Variants in LHFPL2 observed in about 807,000 individuals in gnomAD.
The protein encoded by LHFPL2 is LHFPL tetraspan subfamily member 2, also known as LHFPL tetraspan subfamily member 2 protein.
A neutral mutation model predicts 17.5 loss-of-function variants in LHFPL2; 7 were observed. The observed-to-expected ratio is 0.40, with a 90% CI of 0.23 to 0.75. The LOEUF is 0.75. LHFPL2 is among the 30% of genes least tolerant of loss of function. LHFPL2 has a pLI of 0.37. For synonymous variants in LHFPL2, 134 were observed against 116.2 expected, an observed-to-expected ratio of 1.15 and a Z score of -0.99; for missense variants, 241 against 294.8, an observed-to-expected ratio of 0.82 and a Z score of 1.34.
At chr5:78,635,146 G>A (rs1745389322) in intron 1 of LHFPL2, among the ~76,000 whole-genome samples, 1 of 152,208 alleles carries the variant, frequency 6.6e-6, no homozygotes, top group African/African-American at 2.4e-5. Flanking sequence ...TCCCCACTCT[G>A]TTCTCAAAAC....
chr5:78,577,062 C>G (rs1052219932), intron 2 of LHFPL2, among the ~76,000 whole-genome samples: 2 of 152,202 alleles, frequency 1.3e-5, no homozygotes, highest in Non-Finnish European at 2.9e-5. Context: ...CTGAAAAGAT[C>G]AAATGTTTTC....
intron 3 of LHFPL2, among the ~76,000 whole-genome samples, chr5:78,521,666 A>G (rs1214420684): frequency 6.6e-6 from 1 of 152,252 alleles, no homozygotes; most frequent in East Asian, 1.9e-4. Context: ...ATTACTTGGC[A>G]GTCAGCCACG....
chr5:78,596,988 C>A (rs1338854677), intron 2 of LHFPL2, among the ~76,000 whole-genome samples: 1 of 152,178 alleles, frequency 6.6e-6, no homozygotes, highest in Non-Finnish European at 1.5e-5. Flanking sequence ...ATTGACTAAA[C>A]TGCAAAGTAA....
chr5:78,500,937 T>G (rs940778154), intron 4 of LHFPL2, among the ~76,000 whole-genome samples: 2 of 152,160 alleles, frequency 1.3e-5, no homozygotes, highest in Admixed American at 6.5e-5. Context: ...CACCTATAAA[T>G]TTACAGCTGG....
rs1754933967 is a variant in LHFPL2, at chr5:78,506,461, G to A, written c.430+3323C>T. On this transcript the variant is annotated intron_variant, in intron 4 of 4. Coordinates refer to ENST00000380345, the MANE Select transcript of LHFPL2 (RefSeq NM_005779.3). ...GAGATCCAGGGCTGAGGGAGAGGGG[G>A]CATAGGGAGAGAAAAGGCAGATGCT... 3.3e-5 allele frequency among the ~76,000 whole-genome samples: 5 copies of A among 152,326 alleles called. No individual in the cohort carries two copies. In the South Asian group the frequency reaches 8.3e-4, roughly 25 times the overall value.
intron 2 of LHFPL2, among the ~76,000 whole-genome samples, chr5:78,595,360 C>T (rs532194542): frequency 1.3e-5 from 2 of 152,314 alleles, no homozygotes; most frequent in African/African-American, 2.4e-5. Flanking sequence ...GTTTAAGCCA[C>T]GTCAGTGCTT....
chr5:78,645,921 G>A (rs1007005886), intron 1 of LHFPL2, among the ~76,000 whole-genome samples: 1 of 152,168 alleles, frequency 6.6e-6, no homozygotes, highest in African/African-American at 2.4e-5. Context: ...GTAAATTCTA[G>A]AGATCAGCTA....
chr5:78,609,875 G>T (rs928593535), intron 2 of LHFPL2, among the ~76,000 whole-genome samples: 1 of 151,750 alleles, frequency 6.6e-6, no homozygotes, highest in African/African-American at 2.4e-5. Flanking sequence ...TTTGTGGACA[G>T]AATAATAGCC....
chr5:78,548,031 C>A (rs530064935), intron 3 of LHFPL2, among the ~76,000 whole-genome samples: 2 of 152,258 alleles, frequency 1.3e-5, no homozygotes, highest in African/African-American at 4.8e-5. Flanking sequence ...GGGAGGATCC[C>A]GAGGGAATGA....
chr5:78,636,643 T>C (rs569325050), intron 1 of LHFPL2, among the ~76,000 whole-genome samples: 9 of 152,294 alleles, frequency 5.9e-5, no homozygotes, highest in African/African-American at 1.7e-4. Flanking sequence ...ACGCTCATTA[T>C]CTCCAGTGTC....
chr5:78,621,708 A>G (rs1744862494), intron 2 of LHFPL2, among the ~76,000 whole-genome samples: 1 of 152,160 alleles, frequency 6.6e-6, no homozygotes, highest in South Asian at 2.1e-4. Flanking sequence ...GGCAAGTAAA[A>G]CCACAATTCC....
chr5:78,634,190 T>C (rs1421618370), intron 1 of LHFPL2, among the ~76,000 whole-genome samples: 1 of 152,234 alleles, frequency 6.6e-6, no homozygotes, highest in African/African-American at 2.4e-5. Flanking sequence ...TAGCTCTTGC[T>C]TTCTTTACAA....
chr5:78,629,836 A>G (rs1366382890), intron 2 of LHFPL2, among the ~76,000 whole-genome samples: 1 of 152,366 alleles, frequency 6.6e-6, no homozygotes, highest in East Asian at 1.9e-4. Flanking sequence ...AGGCCAATCT[A>G]TAAAAGCAGC....
chr5:78,513,879 T>A (rs909205135), intron 3 of LHFPL2, among the ~76,000 whole-genome samples: 5 of 152,222 alleles, frequency 3.3e-5, no homozygotes, highest in Non-Finnish European at 7.3e-5. Flanking sequence ...CTCACGTATG[T>A]CTTTATCAGC....
intron 3 of LHFPL2, among the ~76,000 whole-genome samples, chr5:78,513,398 C>G (rs1755194610): frequency 6.6e-6 from 1 of 152,112 alleles, no homozygotes; most frequent in Admixed American, 6.5e-5. Flanking sequence ...ATTCTCACAC[C>G]CATACAAGAT....
chr5:78,552,626 G>T (rs528031984), intron 3 of LHFPL2, among the ~76,000 whole-genome samples: 1 of 152,286 alleles, frequency 6.6e-6, no homozygotes, highest in South Asian at 2.1e-4. Context: ...ACGGCCAAAG[G>T]CACCAGCACA....
intron 3 of LHFPL2, among the ~76,000 whole-genome samples, chr5:78,557,964 A>C (rs77710442): frequency 0.014 from 2,063 of 152,338 alleles, 44 homozygotes; most frequent in African/African-American, 0.045. Flanking sequence ...CAAAAACTTT[A>C]TTGCAATTTG....
chr5:78,602,168 A>C (rs1476374009), intron 2 of LHFPL2, among the ~76,000 whole-genome samples: 1 of 152,102 alleles, frequency 6.6e-6, no homozygotes, highest in African/African-American at 2.4e-5. Flanking sequence ...TTAACCTGAA[A>C]GTGTACACAA....
intron 1 of LHFPL2, among the ~76,000 whole-genome samples, chr5:78,639,361 T>C (rs1018327797): frequency 1.3e-5 from 2 of 152,100 alleles, no homozygotes; most frequent in African/African-American, 2.4e-5. Context: ...ACAAACAAAA[T>C]GCATAAATAG....
Sources: gnomAD v4.1 joint callset for allele counts (sites outside exome capture counted in the v4.1 genomes callset) on GRCh38, gnomAD v4.1.1 for gene constraint, MANE v1.5 for transcripts, NCBI Gene and HGNC (gene_info 2026-07-23, HGNC 2026-07-21) for gene names.